The following CASZ1 variants were observed in gnomAD, a reference collection of about 807,000 sequenced individuals.
CASZ1 encodes zinc finger protein castor homolog 1.
CASZ1 carries 28 observed loss-of-function variants against 135.2 expected under a neutral mutation model. The observed-to-expected ratio is 0.21, with a 90% CI of 0.15 to 0.28. The LOEUF is 0.28. Among genes scored for constraint, CASZ1 ranks in the 10% least tolerant of loss-of-function variants. The pLI is 1.00. For missense variants in CASZ1, 2,161 were observed against 2,453.3 expected (o/e 0.88, Z 2.52); for synonymous variants, 1,068 against 1,073.4 (o/e 0.99, Z 0.10).
chr1:10,782,768 G>C (rs530223328), intron 1 of CASZ1, among the ~76,000 whole-genome samples: 1 of 152,192 alleles, frequency 6.6e-6, no homozygotes, highest in African/African-American at 2.4e-5. Flanking sequence ...TCACCTGGGG[G>C]AGGGGGCTGG....
chr1:10,776,549 G>A lies in CASZ1; in HGVS notation c.-233-15692C>T, dbSNP rs1203318283. Among the ~76,000 whole-genome samples the A allele has an allele frequency of 6.6e-6, 1 of 152,264 alleles. No homozygotes were observed. The highest frequency in any genetic ancestry group is 1.5e-5 in the Non-Finnish European group (1 of 68,040). On this transcript the variant is annotated intron_variant, in intron 1 of 20. Coordinates refer to ENST00000377022, the MANE Select transcript of CASZ1 (RefSeq NM_001079843.3). The surrounding 1 kb of genome is among the most constrained non-coding windows in gnomAD (Gnocchi z 4.1). The stretch of plus-strand genomic sequence containing the variant: ...GACACGAGACACATCCAGACAGGCA[G>A]TGATCGATAAGCAGGTGCATGGGGC...
chr1:10,729,916 AG>A (rs1639673443), intron 2 of CASZ1, among the ~76,000 whole-genome samples: 1 of 151,896 alleles, frequency 6.6e-6, no homozygotes, highest in African/African-American at 2.4e-5. Context: ...CCCAGGTTTA[AG>A]CAATTCTCTG....
rs768804307 is a variant in CASZ1, at chr1:10,646,078, C to T, written c.3696+50G>A. On this transcript the variant is annotated intron_variant, in intron 17 of 20. Coordinates refer to ENST00000377022, the MANE Select transcript of CASZ1 (RefSeq NM_001079843.3). This position sits in a 1 kb window ranked among gnomAD's most constrained non-coding sequence, Gnocchi z 6.4. Reference sequence around the variant, plus strand: ...TGTCCTGTGCCCTGAGCTAGCCCTGCACCTCCCTGCCCCCTACTCTGCCCC... The same window carrying T: ...TGTCCTGTGCCCTGAGCTAGCCCTGTACCTCCCTGCCCCCTACTCTGCCCC... 6.3e-7 allele frequency: 1 copy of T among 1,578,104 alleles called. No homozygotes were observed. Among genetic ancestry groups the T allele is most frequent in the East Asian group, 2.2e-5 (1 of 44,610 alleles).
At position 10,724,995 on chromosome 1, in the gene CASZ1, A is replaced by G. The variant is rs529102598; in HGVS notation, c.-76-19451T>C. Among the ~76,000 whole-genome samples, 1 of 152,320 alleles carries G rather than the reference A, an allele frequency of 6.6e-6. No individual in the cohort carries two copies. The highest frequency in any genetic ancestry group is 1.9e-4 in the East Asian group (1 of 5,182). On this transcript the variant is annotated intron_variant, in intron 2 of 20. Transcript: ENST00000377022. The surrounding 1 kb of genome is among the most constrained non-coding windows in gnomAD (Gnocchi z 4.1). ...CTTAATGTGTTGTAAATCTGGGGGA[A>G]TTCAGGAGTAATTGGGACCACATGT... is the stretch of plus-strand genomic sequence containing the variant.
At chr1:10,663,961 G>A (rs1267854128) in intron 5 of CASZ1, among the ~76,000 whole-genome samples, 2 of 152,178 alleles carry the variant, frequency 1.3e-5, no homozygotes, top group African/African-American at 4.8e-5. Flanking sequence ...GGCCCTTGTC[G>A]CGTTCCTCTC....
Position 10,639,089 on chromosome 1 carries a change from GT to G in CASZ1, c.5132del (p.Asp1711AlafsTer132). 1 of 1,041,772 alleles carries G rather than the reference GT, an allele frequency of 9.6e-7. No homozygotes were observed. Among genetic ancestry groups the G allele is most frequent in the South Asian group, 2.5e-5 (1 of 39,432 alleles). The allele number at this position is 1,041,772 out of a possible 1,614,324, so 64.5% of individuals were successfully genotyped here. On this transcript the variant is annotated frameshift_variant, in exon 21 of 21. Coordinates refer to ENST00000377022, the MANE Select transcript of CASZ1 (RefSeq NM_001079843.3). LOFTEE classifies it high-confidence loss of function. The surrounding 1 kb of genome is among the most constrained non-coding windows in gnomAD (Gnocchi z 4.0). ...CCGAGTCGGTGCGCAGGTCCTCGTC[GT>G]CGTCGTCCTCGTCGTCGTCCTCGTC... is the stretch of plus-strand genomic sequence containing the variant. ...DDDEDDDEDD[D>X]DEDLRTDSEE... is the part of the protein sequence containing the mutation.
At chr1:10,667,599 G>A (rs961854855) in intron 4 of CASZ1, among the ~76,000 whole-genome samples, 4 of 152,216 alleles carry the variant, frequency 2.6e-5, no homozygotes, top group African/African-American at 9.7e-5. Flanking sequence ...GGCCTCCGGG[G>A]AAGCGGGCCT....
At position 10,720,532 on chromosome 1, in the gene CASZ1, A is replaced by C. The variant is rs549832168; in HGVS notation, c.-76-14988T>G. Among the ~76,000 whole-genome samples, 8 of 152,172 alleles carry C rather than the reference A, an allele frequency of 5.3e-5. No individual in the cohort carries two copies. Among genetic ancestry groups the C allele is most frequent in the Non-Finnish European group, 1.0e-4 (7 of 68,026 alleles). On this transcript the variant is annotated intron_variant, in intron 2 of 20. Transcript: ENST00000377022. This position sits in a 1 kb window ranked among gnomAD's most constrained non-coding sequence, Gnocchi z 5.7. The stretch of plus-strand genomic sequence containing the variant: ...CCAAGGCCCTGGACTGTAAGGCTGG[A>C]GGGGAAGGTGGGAAGACTTGGGCAG...
chr1:10,659,156 C>G (rs1273924750), intron 6 of CASZ1, among the ~76,000 whole-genome samples: 4 of 152,204 alleles, frequency 2.6e-5, no homozygotes, highest in Non-Finnish European at 5.9e-5. Context: ...CCGGTCACTA[C>G]CTTTGCTTCC....
intron 4 of CASZ1, among the ~76,000 whole-genome samples, chr1:10,683,267 C>T (rs1274704008): frequency 1.3e-5 from 2 of 152,118 alleles, no homozygotes; most frequent in Non-Finnish European, 2.9e-5. Flanking sequence ...ATCTTCCCCA[C>T]CTCCTAAAGC....
At chr1:10,785,191 C>T (rs1439496858) in intron 1 of CASZ1, among the ~76,000 whole-genome samples, 1 of 57,348 alleles carries the variant, frequency 1.7e-5, no homozygotes, top group Admixed American at 2.1e-4. Flanking sequence ...CCTCTCATTC[C>T]TTCCCTTTCT....
Position 10,659,953 on chromosome 1 carries a change from G to C in CASZ1, c.1089C>G (p.Ile363Met). The stretch of plus-strand genomic sequence containing the variant: ...GCCCCACCTTGCCTGTCTTGAAGGC[G>C]ATGGCCCCGCCCATGTCGGGGCTGC... ...GEGSPDMGGA[I>M]AFKTGKVGRP... is the part of the protein sequence containing the mutation. Residue 363 changes from isoleucine (I) to methionine (M), a missense_variant, in exon 6 of 21, where the codon ATC becomes ATG. By Grantham distance (10) the Ile-to-Met change is conservative. Around this residue, in one of 7 missense-constraint regions of CASZ1, gnomAD observed 590 missense variants for 609.8 expected, o/e 0.97. Coordinates refer to ENST00000377022, the MANE Select transcript of CASZ1 (RefSeq NM_001079843.3). 6.2e-7 allele frequency: 1 copy of C among 1,612,816 alleles called. No homozygotes were observed. The highest frequency in any genetic ancestry group is 8.5e-7 in the Non-Finnish European group (1 of 1,179,966).
At chr1:10,754,243 C>A (rs1314263852) in intron 2 of CASZ1, among the ~76,000 whole-genome samples, 1 of 152,236 alleles carries the variant, frequency 6.6e-6, no homozygotes, top group African/African-American at 2.4e-5. Flanking sequence ...CTCTTGTTTT[C>A]TCCTTCCCAC....
chr1:10,741,754 T>C lies in CASZ1; in HGVS notation c.-77+18947A>G, dbSNP rs759147261. Among the ~76,000 whole-genome samples, 1 of 152,072 alleles carries C rather than the reference T, an allele frequency of 6.6e-6. No individual in the cohort carries two copies. The highest frequency in any genetic ancestry group is 1.5e-5 in the Non-Finnish European group (1 of 68,014). On this transcript the variant is annotated intron_variant, in intron 2 of 20. Transcript: ENST00000377022. The surrounding 1 kb of genome is among the most constrained non-coding windows in gnomAD (Gnocchi z 5.0). ...CAGACATTTTGCAGCTTTTATAACA[T>C]GTGTAGGAGTCTTTACAAACGACTT...
rs1322313585 is a variant in CASZ1, at chr1:10,706,781, TG to T, written c.-76-1238del. Among the ~76,000 whole-genome samples, 15 of 150,722 alleles carry T rather than the reference TG, an allele frequency of 1.0e-4. No homozygotes were observed. Among genetic ancestry groups the T allele is most frequent in the African/African-American group, 3.7e-4 (15 of 40,856 alleles). ...GGCTCTGGGAGGGCTGAGAGCCCGG[TG>T]GGTTGGTGGTTAGGAAGTGCTGCCC... is the stretch of plus-strand genomic sequence containing the variant. On this transcript the variant is annotated intron_variant, in intron 2 of 20. Coordinates refer to ENST00000377022, the MANE Select transcript of CASZ1 (RefSeq NM_001079843.3). The surrounding 1 kb of genome is among the most constrained non-coding windows in gnomAD (Gnocchi z 4.3).
intron 1 of CASZ1, among the ~76,000 whole-genome samples, chr1:10,766,582 G>T (rs1452820521): frequency 6.6e-6 from 1 of 152,122 alleles, no homozygotes; most frequent in African/African-American, 2.4e-5. Context: ...GAAGCCTGTG[G>T]TAACACCCGG....
chr1:10,742,092 T>C (rs1639935271), intron 2 of CASZ1, among the ~76,000 whole-genome samples: 1 of 151,996 alleles, frequency 6.6e-6, no homozygotes, highest in Admixed American at 6.6e-5. Flanking sequence ...AGTCAATACC[T>C]CACCCATGAC....
intron 4 of CASZ1, among the ~76,000 whole-genome samples, chr1:10,672,919 A>AT (rs1417422493): frequency 2.0e-5 from 3 of 152,126 alleles, no homozygotes; most frequent in Non-Finnish European, 2.9e-5. Context: ...TTGGGGCATT[A>AT]TTAGTGGTGT....
chr1:10,761,545 A>G (rs567149856), intron 1 of CASZ1, among the ~76,000 whole-genome samples: 5 of 148,716 alleles, frequency 3.4e-5, no homozygotes, highest in African/African-American at 9.8e-5. Context: ...GTGTTGGGAC[A>G]AAAAAAAAAG....
Sources: allele counts gnomAD v4.1 joint callset (sites outside exome capture counted in the v4.1 genomes callset), GRCh38; gene constraint gnomAD v4.1.1; regional missense constraint gnomAD v4.1.1; non-coding constraint Gnocchi (gnomAD v3.1); transcripts MANE v1.5; gene names NCBI Gene and HGNC (gene_info 2026-07-23, HGNC 2026-07-21).